Variants in C3orf22 observed in about 807,000 individuals in gnomAD.
C3orf22 encodes chromosome 3 open reading frame 22.
Under a neutral mutation model 10.8 loss-of-function variants are expected in C3orf22, and 7 were observed. The observed-to-expected ratio is 0.65, with a 90% CI of 0.37 to 1.22. The LOEUF is 1.22. Ranked by LOEUF, C3orf22 falls within the 50% of genes most tolerant of loss-of-function variation. The probability of loss-of-function intolerance (pLI) is 0.02; values close to 1 mark genes in which losing one functional copy is unlikely to be tolerated. For synonymous variants in C3orf22, 79 were observed against 78.9 expected, an observed-to-expected ratio of 1.00 and a Z score of 0.00; for missense variants, 173 against 177.0, an observed-to-expected ratio of 0.98 and a Z score of 0.13.
At chr3:126,547,092 C>A (rs1413860533), downstream of C3orf22, among the ~76,000 whole-genome samples, 2 of 152,168 alleles carry the variant, frequency 1.3e-5, no homozygotes, top group Non-Finnish European at 1.5e-5. Context: ...GTCCACACTC[C>A]CCAATGCACC....
intron 4 of C3orf22, chr3:126,542,228 G>A (rs1289154843): frequency 1.3e-6 from 2 of 1,505,760 alleles, no homozygotes; most frequent in Non-Finnish European, 1.8e-6. Context: ...CGTGCGCTTC[G>A]CGGAGTTCCT....
intron 4 of C3orf22, among the ~76,000 whole-genome samples, chr3:126,535,892 G>A (rs1936779337): frequency 6.6e-6 from 1 of 152,248 alleles, no homozygotes; most frequent in African/African-American, 2.4e-5. Flanking sequence ...CAGCCAGCCA[G>A]CCTGGTGAAC....
intron 1 of C3orf22, among the ~76,000 whole-genome samples, chr3:126,558,302 G>A (rs1162197850): frequency 2.0e-5 from 3 of 152,212 alleles, no homozygotes; most frequent in African/African-American, 4.8e-5. Flanking sequence ...TGGGTGGCCT[G>A]TGCTCCTCCT....
exon 6 of C3orf22, chr3:126,527,164 C>G (rs1438341847): frequency 6.6e-6 from 1 of 152,524 alleles, no homozygotes; most frequent in African/African-American, 2.4e-5. Flanking sequence ...AGGTGTTCCT[C>G]TTGGAGCCAG....
At chr3:126,554,301 G>T (rs183533412) in intron 1 of C3orf22, among the ~76,000 whole-genome samples, 2 of 130,958 alleles carry the variant, frequency 1.5e-5, no homozygotes, top group South Asian at 2.3e-4. Flanking sequence ...TCTCGCTCTC[G>T]TCCCCAGGCT....
chr3:126,533,735 T>G (rs1045592661), intron 4 of C3orf22, among the ~76,000 whole-genome samples: 14 of 152,216 alleles, frequency 9.2e-5, no homozygotes, highest in Admixed American at 9.2e-4. Flanking sequence ...ACTGGCCTTA[T>G]GTAATGAGTT....
At chr3:126,534,960 C>CA (rs1936737928) in intron 4 of C3orf22, among the ~76,000 whole-genome samples, 1 of 118,930 alleles carries the variant, frequency 8.4e-6, no homozygotes, top group Middle Eastern at 9.3e-3. Flanking sequence ...TGTCCCCAGC[C>CA]GGAGACAGAC....
intron 4 of C3orf22, chr3:126,542,056 G>A (rs1576238351): frequency 6.3e-7 from 1 of 1,580,736 alleles, no homozygotes. Context: ...GCGCCTACTT[G>A]GCCTTCCTGT....
chr3:126,552,750 G>T (rs1343199180), intron 2 of C3orf22, among the ~76,000 whole-genome samples: 2 of 152,224 alleles, frequency 1.3e-5, no homozygotes, highest in African/African-American at 4.8e-5. Context: ...GAGGTTGCAC[G>T]GTGCCAAGCT....
At chr3:126,547,014 G>C (rs7629573), downstream of C3orf22, among the ~76,000 whole-genome samples, 39,276 of 152,148 alleles carry the variant, frequency 0.26, 5,161 homozygotes, top group Admixed American at 0.3. Flanking sequence ...GTGCCGACAT[G>C]AATGTTGTTG....
chr3:126,529,278 T>C (rs1936599331), exon 5 of C3orf22: 1 of 1,269,656 alleles, frequency 7.9e-7, no homozygotes, highest in Admixed American at 2.3e-5. Context: ...GCGGGTGTCC[T>C]GTGTGCAGCA....
rs977058216 is a variant in C3orf22 at position 126,540,019 on chromosome 3, C to A, written c.286+9518G>T. On this transcript the variant is annotated intron_variant and NMD_transcript_variant, in intron 4 of 5. Transcript: ENST00000505070. ...CACACACAAATGCCACACACGCATG[C>A]CACACACACGCACACCACACACCAC... Among the ~76,000 whole-genome samples the A allele has an allele frequency of 4.4e-5, 6 of 137,812 alleles. No individual in the cohort carries two copies. In the South Asian group the frequency reaches 9.5e-4, roughly 22 times the overall value. The allele number at this position is 137,812 out of a possible 152,430, so 90.4% of individuals were successfully genotyped here. A position where few individuals can be genotyped will look rare whatever the true frequency, so the allele number is the denominator to read the frequency against.
intron 4 of C3orf22, among the ~76,000 whole-genome samples, chr3:126,539,299 A>C (rs1005733582): frequency 2.6e-5 from 4 of 151,788 alleles, no homozygotes; most frequent in Non-Finnish European, 5.9e-5. Flanking sequence ...AACGTTTTTT[A>C]TTTCTTTCCC....
intron 4 of C3orf22, among the ~76,000 whole-genome samples, chr3:126,534,735 T>C (rs1936729370): frequency 6.8e-6 from 1 of 146,178 alleles, no homozygotes; most frequent in African/African-American, 2.6e-5. Context: ...ACAGACAGCA[T>C]CCCTGTCCCC....
chr3:126,557,029 T>C (rs1464185396), intron 1 of C3orf22, among the ~76,000 whole-genome samples: 2 of 143,702 alleles, frequency 1.4e-5, no homozygotes. Context: ...CAAACTCACA[T>C]ACACATACAC....
At chr3:126,542,394 CG>C in intron 4 of C3orf22, 1 of 1,553,536 alleles carries the variant, frequency 6.4e-7, no homozygotes. Context: ...CTGGGCCTGG[CG>C]GGCGCATCCG....
intron 4 of C3orf22, among the ~76,000 whole-genome samples, chr3:126,534,650 C>T (rs1936726593): frequency 6.6e-6 from 1 of 151,026 alleles, no homozygotes; most frequent in South Asian, 2.1e-4. Context: ...AGCCGGGAGA[C>T]AGATAGACAG....
chr3:126,542,651 C>T, intron 4 of C3orf22: 3 of 1,395,240 alleles, frequency 2.2e-6, no homozygotes, highest in Non-Finnish European at 1.9e-6. Context: ...GCAGGTGCTG[C>T]CGGCCCCAGG....
chr3:126,556,236 A>G (rs985460289), intron 1 of C3orf22, among the ~76,000 whole-genome samples: 2 of 152,132 alleles, frequency 1.3e-5, no homozygotes, highest in African/African-American at 2.4e-5. Flanking sequence ...GCAGAGATGC[A>G]CTAGGCCATG....
Sources: gnomAD v4.1 joint callset for allele counts (sites outside exome capture counted in the v4.1 genomes callset) on GRCh38, gnomAD v4.1.1 for gene constraint, MANE v1.5 for transcripts, NCBI Gene and HGNC (gene_info 2026-07-23, HGNC 2026-07-21) for gene names.